The following RETREG1 variants were observed in gnomAD, a reference collection of about 807,000 sequenced individuals.
RETREG1 encodes reticulophagy regulator 1.
A neutral mutation model predicts 54.8 loss-of-function variants in RETREG1; 44 were observed. The observed-to-expected ratio is 0.80, with a 90% CI of 0.63 to 1.03. RETREG1 has a LOEUF of 1.03. RETREG1 is among the 50% of genes least tolerant of loss of function. RETREG1 has a pLI of 0.00. For missense variants in RETREG1, 554 were observed against 605.1 expected (o/e 0.92, Z 0.89); for synonymous variants, 217 against 238.5 (o/e 0.91, Z 0.83).
intron 3 of RETREG1, chr5:16,508,861 CT>C: frequency 1.3e-5 from 18 of 1,382,138 alleles, no homozygotes; most frequent in Non-Finnish European, 1.7e-5. Flanking sequence ...TCACTGCCCC[CT>C]TCTAAAAATA....
intron 3 of RETREG1, among the ~76,000 whole-genome samples, chr5:16,496,554 G>A (rs1181047762): frequency 3.9e-5 from 6 of 152,160 alleles, no homozygotes; most frequent in Admixed American, 1.3e-4. Context: ...CTACCTGCAA[G>A]AGAGCCTAGG....
chr5:16,601,558 G>A lies in RETREG1; in HGVS notation c.320+15094C>T, dbSNP rs559584418. ...ATTACAGGCATGCGCCACCATACCC[G>A]GCTAATTTTTGTATTTTTGTAGAGG... On this transcript the variant is annotated intron_variant, in intron 1 of 8. Coordinates refer to ENST00000306320, the MANE Select transcript of RETREG1 (RefSeq NM_001034850.3). Among the ~76,000 whole-genome samples the A allele has an allele frequency of 1.9e-3, 295 of 152,062 alleles. 2 individuals are homozygous for A. The highest frequency in any genetic ancestry group is 6.8e-3 in the African/African-American group (284 of 41,494).
intron 3 of RETREG1, 45 bp downstream of exon 3, chr5:16,565,718 T>G: frequency 1.2e-6 from 2 of 1,602,088 alleles, no homozygotes; most frequent in Non-Finnish European, 1.7e-6. Flanking sequence ...GTCCCCTCCC[T>G]CACCCTCCCT....
chr5:16,491,056 CATA>C (rs1440888616), intron 3 of RETREG1, among the ~76,000 whole-genome samples: 1 of 152,132 alleles, frequency 6.6e-6, no homozygotes, highest in African/African-American at 2.4e-5. Flanking sequence ...AACACGTGCC[CATA>C]ATAACCATGA....
At chr5:16,600,400 G>A (rs181065960) in intron 1 of RETREG1, among the ~76,000 whole-genome samples, 33 of 152,340 alleles carry the variant, frequency 2.2e-4, no homozygotes, top group Non-Finnish European at 4.0e-4. Flanking sequence ...GAAGTAGGAG[G>A]TTGTTCTCTG....
chr5:16,613,555 G>A (rs979033451), intron 1 of RETREG1, among the ~76,000 whole-genome samples: 1 of 152,172 alleles, frequency 6.6e-6, no homozygotes, highest in Non-Finnish European at 1.5e-5. Context: ...TGCAGATAAT[G>A]GGCAGGTAAT....
At chr5:16,481,339 C>A (rs1738766998) in intron 4 of RETREG1, among the ~76,000 whole-genome samples, 1 of 152,096 alleles carries the variant, frequency 6.6e-6, no homozygotes. Flanking sequence ...TAATTTCTGG[C>A]ACAGAGAGTG....
At chr5:16,536,800 G>A (rs1374357847) in intron 3 of RETREG1, among the ~76,000 whole-genome samples, 1 of 152,204 alleles carries the variant, frequency 6.6e-6, no homozygotes, top group Non-Finnish European at 1.5e-5. Flanking sequence ...TCAGACTCTT[G>A]TCTTGCAGGA....
chr5:16,543,277 C>T (rs1050142218), intron 3 of RETREG1, among the ~76,000 whole-genome samples: 3 of 152,148 alleles, frequency 2.0e-5, no homozygotes, highest in African/African-American at 7.2e-5. Flanking sequence ...AATAAAGCTG[C>T]CGTGAACATT....
intron 3 of RETREG1, among the ~76,000 whole-genome samples, chr5:16,513,896 T>C (rs950830461): frequency 1.3e-5 from 2 of 152,230 alleles, no homozygotes; most frequent in African/African-American, 4.8e-5. Context: ...TGAGACAAAT[T>C]ATTTTACGCT....
chr5:16,486,042 A>G (rs1309314142), intron 3 of RETREG1, among the ~76,000 whole-genome samples: 1 of 152,210 alleles, frequency 6.6e-6, no homozygotes, highest in Non-Finnish European at 1.5e-5. Context: ...AGCTTCATAT[A>G]ATAGTTTTTT....
intron 3 of RETREG1, among the ~76,000 whole-genome samples, chr5:16,495,014 A>G: frequency 6.6e-6 from 1 of 152,190 alleles, no homozygotes; most frequent in Non-Finnish European, 1.5e-5. Flanking sequence ...AACTGGAGCA[A>G]AGGTCACTTT....
chr5:16,487,381 A>G (rs537234385), intron 3 of RETREG1, among the ~76,000 whole-genome samples: 2 of 152,216 alleles, frequency 1.3e-5, no homozygotes, highest in East Asian at 3.9e-4. Context: ...TCTTGCCTTC[A>G]CTAAGGAGTG....
In RETREG1 at chr5:16,616,948, C is replaced by G. The variant is rs1743538428; in HGVS notation, c.24G>C (p.Glu8Asp). Residue 8 changes from glutamate to aspartate, a missense_variant, in exon 1 of 9, where the codon GAG (glutamate) becomes GAC (aspartate). Physicochemically the swap from Glu to Asp is conservative, Grantham distance 45. Around this residue, in one of 4 missense-constraint regions of RETREG1, gnomAD observed 175 missense variants for 142.1 expected, o/e 1.23. Coordinates refer to ENST00000306320, the MANE Select transcript of RETREG1 (RefSeq NM_001034850.3). ...GAGCCGGGCATCCCTCCTCGGCGTGCTCCGGAGGCGCCGGGCTCGCCATCT... is the reference window on the plus strand; with the variant it reads ...GAGCCGGGCATCCCTCCTCGGCGTGGTCCGGAGGCGCCGGGCTCGCCATCT... MASPAPP[E>D]HAEEGCPAPA... The G allele has an allele frequency of 6.9e-7, 1 of 1,448,660 alleles. No individual in the cohort carries two copies. Among genetic ancestry groups the G allele is most frequent in the Non-Finnish European group, 9.0e-7 (1 of 1,105,980 alleles). The allele number at this position is 1,448,660 out of a possible 1,614,324, so 89.7% of individuals were successfully genotyped here. A position where few individuals can be genotyped will look rare whatever the true frequency, so the allele number is the denominator to read the frequency against.
chr5:16,500,361 G>C (rs934217559), intron 3 of RETREG1, among the ~76,000 whole-genome samples: 4 of 152,164 alleles, frequency 2.6e-5, no homozygotes, highest in Non-Finnish European at 5.9e-5. Context: ...GCAGTTTACT[G>C]GTGTGGCGGT....
At chr5:16,563,335 G>A (rs1353911379) in intron 3 of RETREG1, among the ~76,000 whole-genome samples, 1 of 152,186 alleles carries the variant, frequency 6.6e-6, no homozygotes, top group African/African-American at 2.4e-5. Context: ...TCCGCTCACT[G>A]CAACCTCTGC....
At chr5:16,479,950 C>T (rs1291864019) in intron 5 of RETREG1, among the ~76,000 whole-genome samples, 1 of 151,954 alleles carries the variant, frequency 6.6e-6, no homozygotes, top group Non-Finnish European at 1.5e-5. Context: ...AAAATCCATA[C>T]TTTTTAATAA....
intron 4 of RETREG1, among the ~76,000 whole-genome samples, chr5:16,482,011 A>G (rs1443841597): frequency 6.6e-6 from 1 of 152,066 alleles, no homozygotes; most frequent in Non-Finnish European, 1.5e-5. Flanking sequence ...ACCTCTGACC[A>G]ATAACTGATG....
intron 4 of RETREG1, among the ~76,000 whole-genome samples, chr5:16,481,915 A>T (rs1561080014): frequency 6.6e-6 from 1 of 152,030 alleles, no homozygotes; most frequent in Non-Finnish European, 1.5e-5. Flanking sequence ...CGTCATCTTT[A>T]AACAGTGATA....
Sources: allele counts gnomAD v4.1 joint callset (sites outside exome capture counted in the v4.1 genomes callset), GRCh38; gene constraint gnomAD v4.1.1; regional missense constraint gnomAD v4.1.1; transcripts MANE v1.5; gene names NCBI Gene and HGNC (gene_info 2026-07-23, HGNC 2026-07-21).